The following TARBP1 variants were observed in gnomAD, a reference collection of about 807,000 sequenced individuals.
TARBP1 encodes tRNA (guanosine(18)-2'-O)-methyltransferase TARBP1.
In TARBP1, 144 loss-of-function variants were observed where a neutral mutation model predicts 178.6. The ratio of observed to expected loss-of-function variants is 0.81; its 90% CI spans 0.70 to 0.93. The LOEUF is 0.93. Among genes scored for constraint, TARBP1 ranks in the 40% least tolerant of loss-of-function variants. The pLI is 0.00. For synonymous variants in TARBP1, 787 were observed against 781.0 expected, an observed-to-expected ratio of 1.01 and a Z score of -0.13; for missense variants, 2,067 against 2,011.7, an observed-to-expected ratio of 1.03 and a Z score of -0.53.
intron 12 of TARBP1, among the ~76,000 whole-genome samples, chr1:234,439,233 TTTCTC>T (rs1665347152): frequency 1.3e-5 from 2 of 152,192 alleles, no homozygotes; most frequent in African/African-American, 4.8e-5. Flanking sequence ...AACAGGCCCT[TTTCTC>T]TTGAGTTCTT....
At chr1:234,470,546 CCAT>C (rs1250351313) in intron 3 of TARBP1, among the ~76,000 whole-genome samples, 3 of 137,902 alleles carry the variant, frequency 2.2e-5, no homozygotes, top group East Asian at 3.9e-4. Flanking sequence ...TTGAAATTCT[CCAT>C]CATCAACGGT....
At position 234,478,544 on chromosome 1, in the gene TARBP1, G is replaced by C. The variant is rs1669802892; in HGVS notation, c.560C>G (p.Ala187Gly). ...CAGTCGCCCGGCCACCAGCGCCGCC[G>C]CGTCCTCGGCAGGCCCGGCCTCATC... Reference protein sequence around the residue: ...DGDEAGPAEDAAALVAGRLLP... With the variant: ...DGDEAGPAEDGAALVAGRLLP... Residue 187 changes from alanine to glycine, a missense_variant, in exon 1 of 30, where the codon GCG (alanine) becomes GGG (glycine). Ala to Gly is a moderately conservative substitution (Grantham distance 60). Coordinates refer to ENST00000040877, the MANE Select transcript of TARBP1 (RefSeq NM_005646.4). 1.5e-6 allele frequency: 2 copies of C among 1,356,200 alleles called. No individual in the cohort carries two copies. Among genetic ancestry groups the C allele is most frequent in the South Asian group, 1.6e-5 (1 of 62,918 alleles). The allele number at this position is 1,356,200 out of a possible 1,614,324, so 84.0% of individuals were successfully genotyped here. A position where few individuals can be genotyped will look rare whatever the true frequency, so the allele number is the denominator to read the frequency against.
At chr1:234,392,701 T>A in intron 28 of TARBP1, 149 bp from the exon 29 acceptor site, 1 of 579,334 alleles carries the variant, frequency 1.7e-6, no homozygotes, top group South Asian at 2.8e-5. Flanking sequence ...TCTCCCAACA[T>A]GACATCAATT....
intron 24 of TARBP1, among the ~76,000 whole-genome samples, chr1:234,402,674 A>G (rs1328019380): frequency 6.6e-6 from 1 of 152,054 alleles, no homozygotes; most frequent in Admixed American, 6.5e-5. Flanking sequence ...TCTTGGGCTC[A>G]GGTGATTCTC....
chr1:234,393,884 C>A (rs766634628), intron 26 of TARBP1, 47 bp from the exon 27 acceptor site: 12 of 1,415,116 alleles, frequency 8.5e-6, no homozygotes, highest in Non-Finnish European at 5.9e-6. Context: ...AAATCTGAAT[C>A]TCTATATATT....
At chr1:234,405,037 T>C (rs905223223) in intron 24 of TARBP1, among the ~76,000 whole-genome samples, 2 of 152,188 alleles carry the variant, frequency 1.3e-5, no homozygotes, top group Non-Finnish European at 2.9e-5. Context: ...TACAAATAAC[T>C]TAATGGTCAC....
In TARBP1 at chr1:234,430,104, G is replaced by A. The variant is rs761045726; in HGVS notation, c.2592C>T (p.His864=). 1 of 1,613,010 alleles carries A rather than the reference G, an allele frequency of 6.2e-7. No homozygotes were observed. Among genetic ancestry groups the A allele is most frequent in the East Asian group, 2.2e-5 (1 of 44,848 alleles). The change falls in exon 15 of 30, where the codon CAC becomes CAT. Residue 864 remains histidine (H), a synonymous_variant. Transcript: ENST00000040877. ...CCCTGTACCTGCTGCACTCCAAGGG[G>A]TGAGCATAACTGCTCTGCTCCTCTG... ...PHAEEQSSYA[H]PLECSSVLEE...
chr1:234,429,745 A>G, intron 15 of TARBP1, 68 bp from the exon 16 acceptor site: 1 of 1,103,652 alleles, frequency 9.1e-7, no homozygotes, highest in Non-Finnish European at 1.3e-6. Context: ...TGCACGTAGC[A>G]CACTATCCTT....
Position 234,463,618 on chromosome 1 carries a change from G to A in TARBP1, c.1399+219C>T, listed in dbSNP as rs1469116334. 2.0e-5 allele frequency among the ~76,000 whole-genome samples: 3 copies of A among 152,106 alleles called. No individual in the cohort carries two copies. In the East Asian group the frequency reaches 5.8e-4, roughly 29 times the overall value. ...GCACACCTTCTAAAATTACCTCCAT[G>A]CTACTCATGCCAATACTGGTAGTAT... On this transcript the variant is annotated intron_variant, in intron 6 of 29. Coordinates refer to ENST00000040877, the MANE Select transcript of TARBP1 (RefSeq NM_005646.4).
intron 9 of TARBP1, among the ~76,000 whole-genome samples, chr1:234,451,851 G>A (rs187461990): frequency 3.3e-5 from 5 of 152,054 alleles, no homozygotes; most frequent in Admixed American, 6.5e-5. Flanking sequence ...GACGCTAAAG[G>A]AGGTTGTTCT....
chr1:234,452,260 T>G (rs1243320594), intron 9 of TARBP1, among the ~76,000 whole-genome samples: 2 of 152,160 alleles, frequency 1.3e-5, no homozygotes, highest in African/African-American at 4.8e-5. Flanking sequence ...AAAAATCTAT[T>G]TGGACACATA....
chr1:234,426,884 T>C (rs1663836868), intron 19 of TARBP1, among the ~76,000 whole-genome samples: 2 of 152,204 alleles, frequency 1.3e-5, no homozygotes, highest in Admixed American at 1.3e-4. Context: ...ACCAAAAACT[T>C]CAGAGTCTGT....
chr1:234,478,856 C>A lies in TARBP1; in HGVS notation c.248G>T (p.Gly83Val). Residue 83 changes from glycine to valine, a missense_variant, in exon 1 of 30, where the codon GGC (glycine) becomes GTC (valine). Gly to Val is a moderately radical substitution (Grantham distance 109, BLOSUM62 -3). Coordinates refer to ENST00000040877, the MANE Select transcript of TARBP1 (RefSeq NM_005646.4). ...GCGAGGCTGCAGACTGGGGTCCGGG[C>A]CGCCCGCGGGGCGTCCGCGCAGGCT... ...LRSLRGRPAG[G>V]PDPSLQPRHR... The A allele has an allele frequency of 7.9e-7, 1 of 1,263,826 alleles. No individual in the cohort carries two copies. Among genetic ancestry groups the A allele is most frequent in the Non-Finnish European group, 9.9e-7 (1 of 1,008,814 alleles). The allele number at this position is 1,263,826 out of a possible 1,614,324, so 78.3% of individuals were successfully genotyped here.
chr1:234,418,026 C>T (rs1028025091), intron 22 of TARBP1, 58 bp downstream of exon 22: 1 of 1,036,870 alleles, frequency 9.6e-7, no homozygotes, highest in Non-Finnish European at 1.3e-6. Flanking sequence ...ACAAATCTCC[C>T]AGCATTGTCA....
At position 234,402,839 on chromosome 1, in the gene TARBP1, G is replaced by A. The variant is rs146994732; in HGVS notation, c.3990-1577C>T. ...GGGCTCAAGCAATCCACTCACCTCGGCCTCGCAAAGTGCTGGGATTACAGG... is the reference window on the plus strand; with the variant it reads ...GGGCTCAAGCAATCCACTCACCTCGACCTCGCAAAGTGCTGGGATTACAGG... On this transcript the variant is annotated intron_variant, in intron 24 of 29. Coordinates refer to ENST00000040877, the MANE Select transcript of TARBP1 (RefSeq NM_005646.4). 1.1e-3 allele frequency among the ~76,000 whole-genome samples: 175 copies of A among 152,246 alleles called. 1 individual carries two copies. Among genetic ancestry groups the A allele is most frequent in the African/African-American group, 4.1e-3 (169 of 41,530 alleles).
chr1:234,459,149 A>T (rs1218340722), intron 8 of TARBP1, 81 bp downstream of exon 8: 1 of 959,108 alleles, frequency 1.0e-6, no homozygotes, highest in Non-Finnish European at 1.6e-6. Context: ...GCAGTATCAC[A>T]GGTCTGCTAT....
chr1:234,448,479 C>A lies in TARBP1; in HGVS notation c.1961+1G>T, dbSNP rs752846796. The A allele has an allele frequency of 6.2e-7, 1 of 1,611,684 alleles. No individual in the cohort carries two copies. The highest frequency in any genetic ancestry group is 8.5e-7 in the Non-Finnish European group (1 of 1,178,018). On this transcript the variant is annotated splice_donor_variant, in intron 11 of 29. Transcript: ENST00000040877. LOFTEE classifies it high-confidence loss of function. ...TTCTTTTCAATTACAGAAACAATTA[C>A]CTATACTGAGTCTTCATTCCTTCCA...
chr1:234,400,021 A>C (rs1048233411), intron 25 of TARBP1, among the ~76,000 whole-genome samples: 1 of 149,550 alleles, frequency 6.7e-6, no homozygotes, highest in African/African-American at 2.5e-5. Flanking sequence ...ATGTAACCTA[A>C]AACTTAAAGT....
chr1:234,417,494 C>T (rs1662560623), intron 22 of TARBP1, among the ~76,000 whole-genome samples: 2 of 152,268 alleles, frequency 1.3e-5, no homozygotes, highest in Admixed American at 1.3e-4. Flanking sequence ...AGAAAGCATT[C>T]AAGATATAGA....
Sources: gnomAD v4.1 joint callset for allele counts (sites outside exome capture counted in the v4.1 genomes callset) on GRCh38, gnomAD v4.1.1 for gene constraint, MANE v1.5 for transcripts, NCBI Gene and HGNC (gene_info 2026-07-23, HGNC 2026-07-21) for gene names.